The following COG5 variants were observed in gnomAD, a reference collection of about 807,000 sequenced individuals.
COG5 encodes component of oligomeric golgi complex 5, also known as conserved oligomeric Golgi complex subunit 5.
A neutral mutation model predicts 110.4 loss-of-function variants in COG5; 86 were observed. The ratio of observed to expected loss-of-function variants is 0.78; its 90% CI spans 0.65 to 0.93. COG5 has a LOEUF of 0.93. Among genes scored for constraint, COG5 ranks in the 40% least tolerant of loss-of-function variants. The probability of loss-of-function intolerance (pLI) is 0.00; values close to 1 mark genes in which losing one functional copy is unlikely to be tolerated. For synonymous variants in COG5, 360 were observed against 334.6 expected (o/e 1.08, Z -0.83); for missense variants, 1,077 against 987.0 (o/e 1.09, Z -1.22).
intron 6 of COG5, chr7:107,475,443 T>C: frequency 4.6e-6 from 3 of 646,368 alleles, no homozygotes; most frequent in East Asian, 2.8e-5. Context: ...CTGCCAAATA[T>C]AAGAAAAATA....
chr7:107,533,058 A>G (rs535090265), intron 5 of COG5, among the ~76,000 whole-genome samples: 1 of 151,858 alleles, frequency 6.6e-6, no homozygotes, highest in East Asian at 1.9e-4. Flanking sequence ...CCCGCAGCAA[A>G]CTCCAGCAGA....
chr7:107,367,326 T>C (rs1403065481), intron 8 of COG5, among the ~76,000 whole-genome samples: 3 of 152,042 alleles, frequency 2.0e-5, no homozygotes, highest in South Asian at 4.1e-4. Flanking sequence ...GAGATGAATA[T>C]AGAAATGGAG....
chr7:107,251,277 T>C (rs755588436), intron 16 of COG5, among the ~76,000 whole-genome samples: 26 of 152,182 alleles, frequency 1.7e-4, no homozygotes, highest in Non-Finnish European at 3.2e-4. Context: ...CATATTTCTA[T>C]TTTCTGTATA....
chr7:107,314,711 T>C (rs111432372), intron 11 of COG5, among the ~76,000 whole-genome samples: 24,667 of 151,992 alleles, frequency 0.16, 2,371 homozygotes, highest in Non-Finnish European at 0.22. Context: ...ATCGTGCCAC[T>C]GCACTCCAGC....
intron 11 of COG5, among the ~76,000 whole-genome samples, chr7:107,299,137 C>A (rs1031906536): frequency 6.6e-6 from 1 of 151,784 alleles, no homozygotes; most frequent in Admixed American, 6.6e-5. Flanking sequence ...AAAAGAAGAG[C>A]AAATAAAAAC....
intron 6 of COG5, among the ~76,000 whole-genome samples, chr7:107,458,949 A>G (rs1795826282): frequency 6.6e-6 from 1 of 151,294 alleles, no homozygotes; most frequent in Admixed American, 6.6e-5. Flanking sequence ...ACACATTTAT[A>G]TTATTATATA....
intron 6 of COG5, among the ~76,000 whole-genome samples, chr7:107,496,738 T>C (rs997218454): frequency 4.7e-5 from 7 of 150,026 alleles, no homozygotes; most frequent in African/African-American, 1.5e-4. Flanking sequence ...AAAAAACACA[T>C]GACCATTTCA....
chr7:107,404,905 A>C (rs534483452), intron 7 of COG5, among the ~76,000 whole-genome samples: 3 of 151,548 alleles, frequency 2.0e-5, no homozygotes, highest in East Asian at 1.9e-4. Flanking sequence ...AAAAAAAAAA[A>C]AAACAGTTGG....
At chr7:107,429,441 T>C (rs1394497139) in intron 6 of COG5, among the ~76,000 whole-genome samples, 1 of 152,068 alleles carries the variant, frequency 6.6e-6, no homozygotes, top group Non-Finnish European at 1.5e-5. Flanking sequence ...GAAACGCCTA[T>C]ATTCAAGTCT....
At chr7:107,558,819 C>A (rs1410730448) in intron 1 of COG5, among the ~76,000 whole-genome samples, 1 of 138,572 alleles carries the variant, frequency 7.2e-6, no homozygotes, top group Non-Finnish European at 1.5e-5. Flanking sequence ...ACCCGGGAGG[C>A]GGAGCTTGCA....
At chr7:107,516,364 A>G (rs567674203) in intron 6 of COG5, among the ~76,000 whole-genome samples, 132 of 152,318 alleles carry the variant, frequency 8.7e-4, no homozygotes, top group Admixed American at 2.1e-3. Flanking sequence ...TCTGGATGCA[A>G]GTCCTCTATC....
At chr7:107,253,890 G>A (rs539809331) in intron 16 of COG5, among the ~76,000 whole-genome samples, 1 of 152,196 alleles carries the variant, frequency 6.6e-6, no homozygotes, top group South Asian at 2.1e-4. Flanking sequence ...TTGCCAAAAT[G>A]TCTCTTGATT....
intron 10 of COG5, among the ~76,000 whole-genome samples, chr7:107,346,164 T>C (rs948576160): frequency 6.6e-6 from 1 of 152,236 alleles, no homozygotes; most frequent in Admixed American, 6.5e-5. Context: ...TCTTCCATTT[T>C]CTACAGTTTC....
chr7:107,432,682 G>A (rs1320667094), intron 6 of COG5, among the ~76,000 whole-genome samples: 2 of 152,042 alleles, frequency 1.3e-5, no homozygotes, highest in East Asian at 1.9e-4. Context: ...GAAGAAAAAT[G>A]GGGATTTCTG....
chr7:107,278,229 CCCTT>C lies in COG5; in HGVS notation c.1575+3067_1575+3070del, dbSNP rs1482588941. 1.1e-4 allele frequency among the ~76,000 whole-genome samples: 17 copies of C among 151,812 alleles called. No individual in the cohort carries two copies. In the East Asian group the frequency reaches 3.3e-3, roughly 29 times the overall value. On this transcript the variant is annotated intron_variant, in intron 14 of 21. Transcript: ENST00000297135. ...GAGCATTCTATTAATGATCTGATTT[CCCTT>C]CCTTCCTTCCCTTCCTTCCTTTCTT... is the stretch of plus-strand genomic sequence containing the variant.
At chr7:107,455,481 G>A (rs574368943) in intron 6 of COG5, among the ~76,000 whole-genome samples, 5 of 152,304 alleles carry the variant, frequency 3.3e-5, no homozygotes, top group Non-Finnish European at 7.4e-5. Context: ...ACAAAGTGGT[G>A]GTGGTCTCAG....
intron 14 of COG5, among the ~76,000 whole-genome samples, chr7:107,268,707 A>T (rs190366840): frequency 7.0e-4 from 107 of 152,224 alleles, no homozygotes; most frequent in African/African-American, 2.5e-3. Flanking sequence ...CCTTCCTGTA[A>T]ATTGTTCCTT....
intron 7 of COG5, among the ~76,000 whole-genome samples, chr7:107,405,352 G>A (rs1314617204): frequency 1.3e-5 from 2 of 152,184 alleles, no homozygotes; most frequent in South Asian, 2.1e-4. Flanking sequence ...TGCTGACACA[G>A]CTGGATGACA....
chr7:107,255,333 T>C (rs1214859067), intron 16 of COG5, among the ~76,000 whole-genome samples: 1 of 152,076 alleles, frequency 6.6e-6, no homozygotes. Flanking sequence ...AGAGAAAACA[T>C]ACAAGTATAC....
Sources: allele counts gnomAD v4.1 joint callset (sites outside exome capture counted in the v4.1 genomes callset), GRCh38; gene constraint gnomAD v4.1.1; transcripts MANE v1.5; gene names NCBI Gene and HGNC (gene_info 2026-07-23, HGNC 2026-07-21).